PLEKHA3: variants seen among roughly 807,000 people sequenced by gnomAD.
The protein encoded by PLEKHA3 is pleckstrin homology domain-containing family A member 3.
In PLEKHA3, 19 loss-of-function variants were observed where a neutral mutation model predicts 39.2. That is an observed-to-expected ratio of 0.48 (90% confidence interval 0.34 to 0.71). The LOEUF is 0.71. Among genes scored for constraint, PLEKHA3 ranks in the 30% least tolerant of loss-of-function variants. The pLI, the probability that PLEKHA3 is intolerant of heterozygous loss-of-function variation, is 0.01. For synonymous variants in PLEKHA3, 97 were observed against 118.6 expected (o/e 0.82, Z 1.18); for missense variants, 253 against 359.5 (o/e 0.70, Z 2.40).
At chr2:178,503,120 C>CTA (rs1330758530) in intron 7 of PLEKHA3, among the ~76,000 whole-genome samples, 1 of 152,058 alleles carries the variant, frequency 6.6e-6, no homozygotes, top group African/African-American at 2.4e-5. Flanking sequence ...TAAACTCAAA[C>CTA]TATATATATA....
At chr2:178,503,324 C>CAATT (rs1201926826) in intron 7 of PLEKHA3, among the ~76,000 whole-genome samples, 2 of 151,966 alleles carry the variant, frequency 1.3e-5, no homozygotes, top group South Asian at 4.2e-4. Flanking sequence ...GTTCTGTTAC[C>CAATT]AATTGTGTGA....
rs1173675483 is a variant in PLEKHA3, at chr2:178,505,732, T to C, written c.*1845T>C. 1.3e-5 allele frequency: 2 copies of C among 152,028 alleles called. No homozygotes were observed. Among genetic ancestry groups the C allele is most frequent in the East Asian group, 3.9e-4 (2 of 5,194 alleles). 9.4% of individuals were successfully genotyped at this position (152,028 alleles called of 1,614,324 possible). ...TTATAGAAAATAATCACATCCATTTTCTATTGCTTTACCCAAATAGATGGG... is the reference window on the plus strand; with the variant it reads ...TTATAGAAAATAATCACATCCATTTCCTATTGCTTTACCCAAATAGATGGG... On this transcript the variant is annotated 3_prime_UTR_variant, in exon 8 of 8. Transcript: ENST00000234453.
chr2:178,497,848 A>AT (rs1685471833), intron 5 of PLEKHA3, among the ~76,000 whole-genome samples: 3 of 152,196 alleles, frequency 2.0e-5, no homozygotes, highest in Non-Finnish European at 4.4e-5. Flanking sequence ...TGTAGTCCAG[A>AT]GAAGTCAATG....
Position 178,490,691 on chromosome 2 carries a change from A to G in PLEKHA3, c.190A>G (p.Ile64Val). 1 of 1,613,862 alleles carries G rather than the reference A, an allele frequency of 6.2e-7. No homozygotes were observed. The highest frequency in any genetic ancestry group is 8.5e-7 in the Non-Finnish European group (1 of 1,179,758). ...AGCAGACAACACAAGAATGGAATTAATCATTCCTGGAGAGCAGCATTTCTA... is the reference window on the plus strand; with the variant it reads ...AGCAGACAACACAAGAATGGAATTAGTCATTCCTGGAGAGCAGCATTTCTA... ...HSADNTRMEL[I>V]IPGEQHFYMK... Residue 64 changes from isoleucine (I) to valine (V), a missense_variant, in exon 3 of 8, where the codon ATC (isoleucine) becomes GTC (valine). Coordinates refer to ENST00000234453, the MANE Select transcript of PLEKHA3 (RefSeq NM_019091.4).
chr2:178,514,363 G>A lies in PLEKHA3; in HGVS notation c.*10476G>A, dbSNP rs1417936856. 6.6e-6 allele frequency: 1 copy of A among 152,026 alleles called. No homozygotes were observed. Among genetic ancestry groups the A allele is most frequent in the Non-Finnish European group, 1.5e-5 (1 of 68,004 alleles). The allele number at this position is 152,026 out of a possible 1,614,324, so 9.4% of individuals were successfully genotyped here. A position where few individuals can be genotyped will look rare whatever the true frequency, so the allele number is the denominator to read the frequency against. On this transcript the variant is annotated 3_prime_UTR_variant, in exon 8 of 8. Coordinates refer to ENST00000234453, the MANE Select transcript of PLEKHA3 (RefSeq NM_019091.4). Reference sequence around the variant, plus strand: ...TGGTGGCAGGGGTAACTATCATCGAGAATATAGGGCAATGGGTATATTCTA... The same window carrying A: ...TGGTGGCAGGGGTAACTATCATCGAAAATATAGGGCAATGGGTATATTCTA...
At chr2:178,490,041 T>G (rs1168438754) in intron 2 of PLEKHA3, among the ~76,000 whole-genome samples, 1 of 152,232 alleles carries the variant, frequency 6.6e-6, no homozygotes, top group African/African-American at 2.4e-5. Flanking sequence ...CAACAAAGAC[T>G]TGGGATTGGC....
At chr2:178,500,944 C>T (rs1194914448) in intron 6 of PLEKHA3, 117 bp from the exon 7 acceptor site, 26 of 696,150 alleles carry the variant, frequency 3.7e-5, no homozygotes, top group Admixed American at 5.3e-5. Context: ...TAACACGGGA[C>T]GTTGAGCATA....
intron 6 of PLEKHA3, among the ~76,000 whole-genome samples, chr2:178,499,661 C>T (rs1685499153): frequency 6.6e-6 from 1 of 152,118 alleles, no homozygotes; most frequent in African/African-American, 2.4e-5. Context: ...ACCATTGTTA[C>T]AGTCACCCAC....
chr2:178,484,921 C>T (rs553386935), intron 1 of PLEKHA3, among the ~76,000 whole-genome samples: 1 of 152,190 alleles, frequency 6.6e-6, no homozygotes, highest in African/African-American at 2.4e-5. Context: ...CGAACAATTG[C>T]AGTTTCTAGG....
rs367872846 is a variant in PLEKHA3 at position 178,501,156 on chromosome 2, T to A, written c.755T>A (p.Ile252Asn). The A allele has an allele frequency of 1.2e-6, 2 of 1,612,540 alleles. No homozygotes were observed. Among genetic ancestry groups the A allele is most frequent in the Non-Finnish European group, 1.7e-6 (2 of 1,178,972 alleles). Residue 252 changes from isoleucine to asparagine, a missense_variant, in exon 7 of 8, where the codon ATT (isoleucine) becomes AAT (asparagine). By Grantham distance (149) the Ile-to-Asn change is moderately radical. Transcript: ENST00000234453. ...TYSDTDSCSDIPLEDPDRPVH... is the reference protein window; with the variant it reads ...TYSDTDSCSDNPLEDPDRPVH... ...TCAGATACAGATTCTTGTAGTGATA[T>A]TCCTCTTGAAGACCCAGATAGTAAG...
rs1310568833 is a variant in PLEKHA3 at position 178,516,199 on chromosome 2, CTAAAT to C, written c.*12316_*12320del. On this transcript the variant is annotated 3_prime_UTR_variant, in exon 8 of 8. Transcript: ENST00000234453. Reference sequence around the variant, plus strand: ...TGGAATTGGTTTAAAAAGCTAGTCTCTAAATTAACTTAGAAACCTAATAGCAAATA... The same window carrying C: ...TGGAATTGGTTTAAAAAGCTAGTCTCTAACTTAGAAACCTAATAGCAAATA... 1 of 151,952 alleles carries C rather than the reference CTAAAT, an allele frequency of 6.6e-6. No homozygotes were observed. The allele number at this position is 151,952 out of a possible 1,614,324, so 9.4% of individuals were successfully genotyped here. A position where few individuals can be genotyped will look rare whatever the true frequency, so the allele number is the denominator to read the frequency against.
intron 5 of PLEKHA3, among the ~76,000 whole-genome samples, chr2:178,498,972 G>T (rs999643223): frequency 6.6e-6 from 1 of 151,886 alleles, no homozygotes; most frequent in African/African-American, 2.4e-5. Context: ...TTTGAAAAAA[G>T]AATCCAGCAT....
chr2:178,490,455 T>C (rs905346949), intron 2 of PLEKHA3, among the ~76,000 whole-genome samples: 1 of 152,182 alleles, frequency 6.6e-6, no homozygotes, highest in Non-Finnish European at 1.5e-5. Context: ...TTTGGCACCA[T>C]TGTTACCCCG....
intron 2 of PLEKHA3, among the ~76,000 whole-genome samples, chr2:178,486,663 A>G (rs1460458705): frequency 6.6e-6 from 1 of 152,158 alleles, no homozygotes; most frequent in Non-Finnish European, 1.5e-5. Context: ...ACTCAACATC[A>G]TGTTTGTAAA....
At position 178,505,221 on chromosome 2, in the gene PLEKHA3, G is replaced by A. The variant is rs1284954716; in HGVS notation, c.*1334G>A. 1 of 152,036 alleles carries A rather than the reference G, an allele frequency of 6.6e-6. No individual in the cohort carries two copies. Among genetic ancestry groups the A allele is most frequent in the Non-Finnish European group, 1.5e-5 (1 of 67,808 alleles). 9.4% of individuals were successfully genotyped at this position (152,036 alleles called of 1,614,324 possible). ...TTGTTGCCTGTGAGCTTAGAATGGT[G>A]TGACCTATTTCATTTTATTTCAATT... On this transcript the variant is annotated 3_prime_UTR_variant, in exon 8 of 8. Transcript: ENST00000234453.
At position 178,500,132 on chromosome 2, in the gene PLEKHA3, T is replaced by C. The variant is rs558458750; in HGVS notation, c.659+878T>C. Among the ~76,000 whole-genome samples the C allele has an allele frequency of 9.2e-5, 14 of 152,294 alleles. No individual in the cohort carries two copies. The South Asian group carries it at 2.7e-3, about 29-fold the overall frequency. On this transcript the variant is annotated intron_variant, in intron 6 of 7. Transcript: ENST00000234453. ...ATTATTTTGTTAGGTAATAGTCCTT[T>C]AAGTTGCTATGGTTGTCTTATTTAG...
At chr2:178,496,325 A>G (rs906293179) in intron 5 of PLEKHA3, among the ~76,000 whole-genome samples, 6 of 152,210 alleles carry the variant, frequency 3.9e-5, no homozygotes, top group Admixed American at 2.6e-4. Context: ...GCATGCTGTT[A>G]GAAATTTGTA....
Position 178,512,376 on chromosome 2 carries a change from AT to A in PLEKHA3, c.*8491del, listed in dbSNP as rs1685702895. The stretch of plus-strand genomic sequence containing the variant: ...GAAGGGTTGTTTCCATGGGTAATAT[AT>A]TCAGAATATTAAAGATGAGTAAAAT... On this transcript the variant is annotated 3_prime_UTR_variant, in exon 8 of 8. Transcript: ENST00000234453. 6.6e-6 allele frequency: 1 copy of A among 152,214 alleles called. No individual in the cohort carries two copies. Among genetic ancestry groups the A allele is most frequent in the South Asian group, 2.1e-4 (1 of 4,826 alleles). The allele number at this position is 152,214 out of a possible 1,614,324, so 9.4% of individuals were successfully genotyped here.
chr2:178,482,914 C>G (rs1439919367), intron 1 of PLEKHA3, among the ~76,000 whole-genome samples: 1 of 152,096 alleles, frequency 6.6e-6, no homozygotes, highest in East Asian at 1.9e-4. Flanking sequence ...TTTAGTTCAT[C>G]TTAGGTCATA....
Sources: allele counts gnomAD v4.1 joint callset (sites outside exome capture counted in the v4.1 genomes callset), GRCh38; gene constraint gnomAD v4.1.1; transcripts MANE v1.5; gene names NCBI Gene and HGNC (gene_info 2026-07-23, HGNC 2026-07-21).